The following CFAP61 variants were observed in gnomAD, a reference collection of about 807,000 sequenced individuals.
The protein encoded by CFAP61 is cilia- and flagella-associated protein 61.
CFAP61 carries 107 observed loss-of-function variants against 135.6 expected under a neutral mutation model. The ratio of observed to expected loss-of-function variants is 0.79; its 90% confidence interval spans 0.67 to 0.93. The LOEUF (loss-of-function observed/expected upper bound fraction) is 0.93. Ranked by LOEUF, CFAP61 falls within the 40% of genes least tolerant of loss-of-function variation. The probability of loss-of-function intolerance (pLI) is 0.00; values close to 1 mark genes in which losing one functional copy is unlikely to be tolerated. For synonymous variants in CFAP61, 575 were observed against 578.5 expected (o/e 0.99, Z 0.09); for missense variants, 1,507 against 1,556.2 (o/e 0.97, Z 0.53).
Position 20,207,229 on chromosome 20 carries a change from T to C in CFAP61, c.1932+7327T>C, listed in dbSNP as rs1466051487. On this transcript the variant is annotated intron_variant, in intron 17 of 26. Coordinates refer to ENST00000245957, the MANE Select transcript of CFAP61 (RefSeq NM_015585.4). ...AATGCAGGAGGAAAATGGGGGACTTTCTGTTTTTTTAAAGCCACCAGCAGG... is the reference window on the plus strand; with the variant it reads ...AATGCAGGAGGAAAATGGGGGACTTCCTGTTTTTTTAAAGCCACCAGCAGG... Among the ~76,000 whole-genome samples the C allele has an allele frequency of 2.6e-5, 4 of 152,274 alleles. No individual in the cohort carries two copies. The East Asian group carries it at 5.8e-4, about 22-fold the overall frequency.
chr20:20,056,685 TAGA>T lies in CFAP61; in HGVS notation c.35_37del (p.Glu12del), dbSNP rs1371012873. 1.5e-5 allele frequency: 25 copies of T among 1,614,018 alleles called. No homozygotes were observed. Among genetic ancestry groups the T allele is most frequent in the Non-Finnish European group, 1.2e-5 (14 of 1,180,004 alleles). On this transcript the variant is annotated inframe_deletion, in exon 2 of 27. Transcript: ENST00000245957. ...GTACTCACTTCTCCAAGAGGAAAGGTAGAAGTTGTTCATTGCCGAAGAACAGAA... is the reference window on the plus strand; with the variant it reads ...GTACTCACTTCTCCAAGAGGAAAGGTAGTTGTTCATTGCCGAAGAACAGAA...
At chr20:20,068,359 T>C (rs2045458577) in intron 2 of CFAP61, among the ~76,000 whole-genome samples, 1 of 152,220 alleles carries the variant, frequency 6.6e-6, no homozygotes, top group East Asian at 1.9e-4. Context: ...GACCAAGAGC[T>C]GGAGGGAGAT....
At chr20:20,348,689 CAAAAAAAAAA>C (rs71198052) in intron 26 of CFAP61, among the ~76,000 whole-genome samples, 3 of 53,462 alleles carry the variant, frequency 5.6e-5, no homozygotes, top group Admixed American at 2.9e-4. Flanking sequence ...GACTCCGTAT[CAAAAAAAAAA>C]AAAAAAAAAA....
intron 8 of CFAP61, among the ~76,000 whole-genome samples, chr20:20,137,902 T>C (rs933846256): frequency 6.6e-6 from 1 of 152,166 alleles, no homozygotes; most frequent in Non-Finnish European, 1.5e-5. Flanking sequence ...CCAAGGCCCA[T>C]GGCGAGTACT....
chr20:20,240,332 T>A lies in CFAP61; in HGVS notation c.2061-5785T>A, dbSNP rs145506252. Among the ~76,000 whole-genome samples, 10 of 152,160 alleles carry A rather than the reference T, an allele frequency of 6.6e-5. No homozygotes were observed. In the East Asian group the frequency reaches 1.9e-3, roughly 30 times the overall value. ...AAAGGAGGAGGAGCTGGTAAAACAG[T>A]CATGAAAGACAGCCTCAAGACAGTG... On this transcript the variant is annotated intron_variant, in intron 18 of 26. Coordinates refer to ENST00000245957, the MANE Select transcript of CFAP61 (RefSeq NM_015585.4).
rs1173108394 is a variant in CFAP61, at chr20:20,269,150, C to CATATAT, written c.2503+6021_2503+6022insTATATA. On this transcript the variant is annotated intron_variant, in intron 21 of 26. Coordinates refer to ENST00000245957, the MANE Select transcript of CFAP61 (RefSeq NM_015585.4). ...ATATATATATATATATATATATACA[C>CATATAT]ACACACACACACACATACATATATG... 7.9e-4 allele frequency among the ~76,000 whole-genome samples: 68 copies of CATATAT among 85,810 alleles called. 1 individual carries two copies. The Middle Eastern group carries it at 0.021, about 27-fold the overall frequency. 56.3% of individuals were successfully genotyped at this position (85,810 alleles called of 152,430 possible).
intron 8 of CFAP61, among the ~76,000 whole-genome samples, chr20:20,116,482 G>A (rs2049150542): frequency 6.6e-6 from 1 of 152,034 alleles, no homozygotes; most frequent in African/African-American, 2.4e-5. Context: ...GTGCTTTTGA[G>A]GTCTTACACA....
intron 25 of CFAP61, among the ~76,000 whole-genome samples, chr20:20,303,686 C>A (rs1032410281): frequency 3.9e-5 from 6 of 152,122 alleles, no homozygotes; most frequent in Non-Finnish European, 8.8e-5. Flanking sequence ...ATATGATTAC[C>A]GATTGATTTC....
chr20:20,087,379 C>T (rs2046882580), intron 6 of CFAP61, among the ~76,000 whole-genome samples: 1 of 152,148 alleles, frequency 6.6e-6, no homozygotes, highest in Non-Finnish European at 1.5e-5. Context: ...TAAGTGAAAA[C>T]ATGCAGTATT....
At chr20:20,307,317 C>G (rs2056533343) in intron 25 of CFAP61, among the ~76,000 whole-genome samples, 1 of 152,192 alleles carries the variant, frequency 6.6e-6, no homozygotes, top group African/African-American at 2.4e-5. Flanking sequence ...CATCAGTTTC[C>G]TCACCCATAA....
intron 17 of CFAP61, among the ~76,000 whole-genome samples, chr20:20,227,779 G>T (rs1469809743): frequency 1.3e-5 from 2 of 152,170 alleles, no homozygotes; most frequent in Non-Finnish European, 2.9e-5. Flanking sequence ...TAACGTGAGG[G>T]ACAGAGAATT....
chr20:20,169,332 C>G lies in CFAP61; in HGVS notation c.1257C>G (p.Phe419Leu). Residue 419 changes from phenylalanine to leucine, a missense_variant, in exon 13 of 27, where the codon TTC becomes TTG. By Grantham distance (22) the Phe-to-Leu change is conservative. Coordinates refer to ENST00000245957, the MANE Select transcript of CFAP61 (RefSeq NM_015585.4). ...TTTGATGATGTTAGGATAAGAACTTCTGTGTAATTTCTCTGCCCCATCTCA... is the reference window on the plus strand; with the variant it reads ...TTTGATGATGTTAGGATAAGAACTTGTGTGTAATTTCTCTGCCCCATCTCA... ...FVFSLFSDKN[F>L]CVISLPHLTP... is the part of the protein sequence containing the mutation. 6.2e-7 allele frequency: 1 copy of G among 1,613,590 alleles called. No individual in the cohort carries two copies. Among genetic ancestry groups the G allele is most frequent in the Non-Finnish European group, 8.5e-7 (1 of 1,179,726 alleles).
At chr20:20,275,424 T>C (rs909692040) in intron 21 of CFAP61, among the ~76,000 whole-genome samples, 3 of 152,202 alleles carry the variant, frequency 2.0e-5, no homozygotes, top group African/African-American at 4.8e-5. Context: ...TATCTAGAAA[T>C]AAACCTGTAA....
intron 8 of CFAP61, among the ~76,000 whole-genome samples, chr20:20,136,196 A>T (rs1340292256): frequency 6.6e-6 from 1 of 151,712 alleles, no homozygotes; most frequent in Non-Finnish European, 1.5e-5. Flanking sequence ...GAGTTTGATT[A>T]TTAAATGCCT....
At chr20:20,186,817 G>A (rs1217454976) in intron 13 of CFAP61, among the ~76,000 whole-genome samples, 1 of 152,208 alleles carries the variant, frequency 6.6e-6, no homozygotes, top group Non-Finnish European at 1.5e-5. Context: ...ATATTTTATT[G>A]TATCAGCACG....
At chr20:20,357,096 G>A (rs2059230118) in intron 26 of CFAP61, among the ~76,000 whole-genome samples, 2 of 115,996 alleles carry the variant, frequency 1.7e-5, no homozygotes, top group African/African-American at 5.9e-5. Flanking sequence ...GTCACACTGA[G>A]GGGAGGTGGT....
intron 26 of CFAP61, among the ~76,000 whole-genome samples, chr20:20,350,606 G>A (rs2058800103): frequency 6.6e-6 from 1 of 152,204 alleles, no homozygotes; most frequent in African/African-American, 2.4e-5. Context: ...TCCAACCTGG[G>A]TGACAGAACA....
At chr20:20,278,516 A>G (rs1041277061) in intron 22 of CFAP61, among the ~76,000 whole-genome samples, 5 of 152,206 alleles carry the variant, frequency 3.3e-5, no homozygotes, top group African/African-American at 1.2e-4. Flanking sequence ...GTATGAGGAT[A>G]ATGGTTGTGT....
intron 8 of CFAP61, among the ~76,000 whole-genome samples, chr20:20,140,128 A>T (rs1452515278): frequency 9.2e-5 from 9 of 97,302 alleles, no homozygotes; most frequent in Non-Finnish European, 1.3e-4. Flanking sequence ...GGTGCTGGAA[A>T]TTTTTTTTTT....
Sources: allele counts gnomAD v4.1 joint callset (sites outside exome capture counted in the v4.1 genomes callset), GRCh38; gene constraint gnomAD v4.1.1; transcripts MANE v1.5; gene names NCBI Gene and HGNC (gene_info 2026-07-23, HGNC 2026-07-21).